The following ZNF311 variants were observed in gnomAD, a reference collection of about 807,000 sequenced individuals.
The protein encoded by ZNF311 is zinc finger protein zfp31.
In ZNF311, 14 loss-of-function variants were observed where a neutral mutation model predicts 22.7. That is an observed-to-expected ratio of 0.62 (90% confidence interval 0.41 to 0.96). The LOEUF (loss-of-function observed/expected upper bound fraction) is 0.96. Ranked by LOEUF, ZNF311 falls within the 40% of genes least tolerant of loss-of-function variation. ZNF311 has a pLI of 0.00. For missense variants in ZNF311, 731 were observed against 799.0 expected (o/e 0.91, Z 1.03); for synonymous variants, 250 against 275.3 (o/e 0.91, Z 0.91).
rs754948144 is a variant in ZNF311 at position 28,995,709 on chromosome 6, G to C, written c.1293C>G (p.Ser431Arg). The change falls in exon 7 of 7, where the codon AGC becomes AGG. Residue 431 changes from serine to arginine, a missense_variant. By Grantham distance (110) the Ser-to-Arg change is moderately radical. Transcript: ENST00000377179. This position sits in a 1 kb window ranked among gnomAD's most constrained non-coding sequence, Gnocchi z 4.7. ...GRAFSRSSDL[S>R]KHKRIHTREK... ...CCCGAGTATGGATTCGTTTGTGTTT[G>C]CTTAGGTCTGAGCTCCGACTGAAGG... 13 of 1,613,592 alleles carry C rather than the reference G, an allele frequency of 8.1e-6. No individual in the cohort carries two copies. The highest frequency in any genetic ancestry group is 1.1e-5 in the Non-Finnish European group (13 of 1,180,022).
At chr6:28,999,447 AAAG>A (rs1780119008) in intron 5 of ZNF311, 37 bp downstream of exon 5, 1 of 1,528,240 alleles carries the variant, frequency 6.5e-7, no homozygotes, top group South Asian at 1.3e-5. Context: ...AATAATAAAA[AAAG>A]AAGGTAGAAA....
chr6:28,999,694 A>G (rs1780171571), intron 4 of ZNF311, 81 bp from the exon 5 acceptor site: 2 of 1,529,516 alleles, frequency 1.3e-6, no homozygotes, highest in African/African-American at 1.4e-5. Context: ...GGAATTTGCA[A>G]GGAGGAGGTT....
In ZNF311 at chr6:28,995,578, T is replaced by C. The variant is rs1779387486; in HGVS notation, c.1424A>G (p.Glu475Gly). 2 of 1,613,624 alleles carry C rather than the reference T, an allele frequency of 1.2e-6. No individual in the cohort carries two copies. Among genetic ancestry groups the C allele is most frequent in the Admixed American group, 1.7e-5 (1 of 60,006 alleles). The change falls in exon 7 of 7, where the codon GAG becomes GGG. Residue 475 changes from glutamate (E) to glycine (G), a missense_variant. Transcript: ENST00000377179. This position sits in a 1 kb window ranked among gnomAD's most constrained non-coding sequence, Gnocchi z 4.7. Reference sequence around the variant, plus strand: ...GTTATGACGAAAGGCTTTCCCACACTCCTCACACCTGTAACGTTTCTCTTC... The same window carrying C: ...GTTATGACGAAAGGCTTTCCCACACCCCTCACACCTGTAACGTTTCTCTTC... ...HTEEKRYRCE[E>G]CGKAFRHNCK...
intron 1 of ZNF311, among the ~76,000 whole-genome samples, chr6:29,004,593 AT>A (rs1001843809): frequency 6.6e-6 from 1 of 151,998 alleles, no homozygotes; most frequent in African/African-American, 2.4e-5. Flanking sequence ...GAGTTGGATC[AT>A]TTCATCGCTC....
At position 28,994,937 on chromosome 6, in the gene ZNF311, T is replaced by A; in HGVS notation, c.*64A>T. Reference sequence around the variant, plus strand: ...GTCAGGAAATCAGGAATAACTAATATAAGAGACAGAAGGACCAGCCTAAGA... The same window carrying A: ...GTCAGGAAATCAGGAATAACTAATAAAAGAGACAGAAGGACCAGCCTAAGA... On this transcript the variant is annotated 3_prime_UTR_variant, in exon 7 of 7. Coordinates refer to ENST00000377179, the MANE Select transcript of ZNF311 (RefSeq NM_001382360.1). The A allele has an allele frequency of 6.8e-7, 1 of 1,464,802 alleles. No individual in the cohort carries two copies. Among genetic ancestry groups the A allele is most frequent in the Non-Finnish European group, 9.0e-7 (1 of 1,108,190 alleles). 90.7% of individuals were successfully genotyped at this position (1,464,802 alleles called of 1,614,324 possible). A position where few individuals can be genotyped will look rare whatever the true frequency, so the allele number is the denominator to read the frequency against.
rs1486857570 is a variant in ZNF311 at position 29,003,927 on chromosome 6, C to T, written c.9+19G>A. ...CCTTCTTCCTCCTTGTGATGTATCA[C>T]AGACCCTCCTCTTCTTACCTCCTGC... On this transcript the variant is annotated intron_variant, in intron 2 of 6. Coordinates refer to ENST00000377179, the MANE Select transcript of ZNF311 (RefSeq NM_001382360.1). 1.9e-6 allele frequency: 3 copies of T among 1,612,864 alleles called. No individual in the cohort carries two copies. Among genetic ancestry groups the T allele is most frequent in the Admixed American group, 3.3e-5 (2 of 60,012 alleles).
chr6:28,996,853 A>G (rs1473580514), intron 6 of ZNF311, among the ~76,000 whole-genome samples: 2 of 152,344 alleles, frequency 1.3e-5, no homozygotes, highest in African/African-American at 4.8e-5. Flanking sequence ...TAGTCATCTA[A>G]GCCACAAAAC....
At position 28,995,540 on chromosome 6, in the gene ZNF311, C is replaced by T; in HGVS notation, c.1462G>A (p.Ala488Thr). 1 of 1,613,662 alleles carries T rather than the reference C, an allele frequency of 6.2e-7. No homozygotes were observed. Among genetic ancestry groups the T allele is most frequent in the Non-Finnish European group, 8.5e-7 (1 of 1,179,996 alleles). The change falls in exon 7 of 7, where the codon GCT (alanine) becomes ACT (threonine). Residue 488 changes from alanine (A) to threonine (T), a missense_variant. Ala to Thr is a moderately conservative substitution (Grantham distance 58). Coordinates refer to ENST00000377179, the MANE Select transcript of ZNF311 (RefSeq NM_001382360.1). The surrounding 1 kb of genome is among the most constrained non-coding windows in gnomAD (Gnocchi z 4.7). ...TCCCCTGTATGCTCTCGTTCATGAG[C>T]CCTGCGCTTACAGTTATGACGAAAG... is the stretch of plus-strand genomic sequence containing the variant. ...KAFRHNCKRR[A>T]HEREHTGEKP...
chr6:28,998,328 A>G (rs1170916883), intron 6 of ZNF311, among the ~76,000 whole-genome samples: 2 of 151,016 alleles, frequency 1.3e-5, no homozygotes, highest in Non-Finnish European at 3.0e-5. Context: ...ATGCACCACC[A>G]CACCCAGCAT....
In ZNF311 at chr6:29,004,442, C is replaced by CTTTTTTTTT. The variant is rs9280531; in HGVS notation, c.-260-237_-260-229dup. ...TCTTCAATCCTTGCCTTCCTCCTTT[C>CTTTTTTTTT]TTTTTTTTTTTTTTTTTTTTTTTTT... is the stretch of plus-strand genomic sequence containing the variant. On this transcript the variant is annotated intron_variant, in intron 1 of 6. Transcript: ENST00000377179. Among the ~76,000 whole-genome samples, 42 of 30,610 alleles carry CTTTTTTTTT rather than the reference C, an allele frequency of 1.4e-3. 2 individuals are homozygous for CTTTTTTTTT. The highest frequency in any genetic ancestry group is 6.7e-3 in the African/African-American group (15 of 2,228). 20.1% of individuals were successfully genotyped at this position (30,610 alleles called of 152,430 possible). A position where few individuals can be genotyped will look rare whatever the true frequency, so the allele number is the denominator to read the frequency against.
In ZNF311 at chr6:29,004,052, T is replaced by G. The variant is rs1780828862; in HGVS notation, c.-98A>C. ...CAAACAAGCTGTGAAGTGGCTCCAGTTGATGCCAGCCTCCTTTGGAGAACA... is the reference window on the plus strand; with the variant it reads ...CAAACAAGCTGTGAAGTGGCTCCAGGTGATGCCAGCCTCCTTTGGAGAACA... On this transcript the variant is annotated 5_prime_UTR_variant, in exon 2 of 7. Transcript: ENST00000377179. 6.2e-7 allele frequency: 1 copy of G among 1,612,114 alleles called. No individual in the cohort carries two copies. The highest frequency in any genetic ancestry group is 8.5e-7 in the Non-Finnish European group (1 of 1,179,550).
At chr6:28,999,398 A>G in intron 5 of ZNF311, 89 bp downstream of exon 5, 1 of 1,238,410 alleles carries the variant, frequency 8.1e-7, no homozygotes. Context: ...GGACTCTTTC[A>G]ATATGAGACC....
rs752812603 is a variant in ZNF311 at position 28,995,726 on chromosome 6, G to A, written c.1276C>T (p.Arg426Trp). 1.5e-5 allele frequency: 24 copies of A among 1,613,566 alleles called. No homozygotes were observed. The highest frequency in any genetic ancestry group is 1.9e-5 in the Non-Finnish European group (22 of 1,180,008). Residue 426 changes from arginine to tryptophan, a missense_variant, in exon 7 of 7, where the codon CGG (arginine) becomes TGG (tryptophan). Transcript: ENST00000377179. The surrounding 1 kb of genome is among the most constrained non-coding windows in gnomAD (Gnocchi z 4.7). Reference sequence around the variant, plus strand: ...TTGTGTTTGCTTAGGTCTGAGCTCCGACTGAAGGCCCTTCCACACTTGCTG... The same window carrying A: ...TTGTGTTTGCTTAGGTCTGAGCTCCAACTGAAGGCCCTTCCACACTTGCTG... ...ECSKCGRAFS[R>W]SSDLSKHKRI...
intron 2 of ZNF311, 154 bp from the exon 3 acceptor site, chr6:29,003,748 A>G: frequency 7.1e-7 from 1 of 1,406,840 alleles, no homozygotes; most frequent in Non-Finnish European, 9.8e-7. Context: ...CTAATACCTT[A>G]TGAAAACTAG....
In ZNF311 at chr6:28,995,569, T is replaced by G; in HGVS notation, c.1433A>C (p.Lys478Thr). The G allele has an allele frequency of 6.2e-7, 1 of 1,613,842 alleles. No homozygotes were observed. Among genetic ancestry groups the G allele is most frequent in the Middle Eastern group, 1.6e-4 (1 of 6,062 alleles). Residue 478 changes from lysine (K) to threonine (T), a missense_variant, in exon 7 of 7, where the codon AAA (lysine) becomes ACA (threonine). Physicochemically the swap from Lys to Thr is moderately conservative, Grantham distance 78. Transcript: ENST00000377179. The surrounding 1 kb of genome is among the most constrained non-coding windows in gnomAD (Gnocchi z 4.7). ...GCGCTTACAGTTATGACGAAAGGCT[T>G]TCCCACACTCCTCACACCTGTAACG... ...EKRYRCEECG[K>T]AFRHNCKRRA...
intron 3 of ZNF311, among the ~76,000 whole-genome samples, chr6:29,002,324 G>A (rs1362264654): frequency 1.3e-5 from 2 of 152,096 alleles, no homozygotes; most frequent in African/African-American, 2.4e-5. Flanking sequence ...TCGTGCATCC[G>A]AGTTTAGCAA....
rs1171414681 is a variant in ZNF311 at position 29,004,037 on chromosome 6, G to A, written c.-83C>T. On this transcript the variant is annotated 5_prime_UTR_variant, in exon 2 of 7. An upstream open reading frame in the 5' UTR gains an earlier in-frame stop. Coordinates refer to ENST00000377179, the MANE Select transcript of ZNF311 (RefSeq NM_001382360.1). ...GTCAGATCCAGTTCTCAAACAAGCT[G>A]TGAAGTGGCTCCAGTTGATGCCAGC... 6.2e-7 allele frequency: 1 copy of A among 1,612,622 alleles called. No individual in the cohort carries two copies. Among genetic ancestry groups the A allele is most frequent in the African/African-American group, 1.3e-5 (1 of 74,918 alleles).
Position 29,003,568 on chromosome 6 carries a change from T to A in ZNF311, c.36A>T (p.Gly12=). The A allele has an allele frequency of 6.2e-7, 1 of 1,612,948 alleles. No homozygotes were observed. Among genetic ancestry groups the A allele is most frequent in the Non-Finnish European group, 8.5e-7 (1 of 1,180,004 alleles). ...QEVVLLDESS[G]PPSQLLWTRQ... ...GGGTCCAAAGCAGCTGGCTTGGTGG[T>A]CCTGAACTCTCATCCAACAGCACAA... Residue 12 remains glycine, a synonymous_variant, in exon 3 of 7, where the codon GGA becomes GGT. Coordinates refer to ENST00000377179, the MANE Select transcript of ZNF311 (RefSeq NM_001382360.1).
intron 3 of ZNF311, among the ~76,000 whole-genome samples, chr6:29,003,252 G>T (rs1471394589): frequency 2.0e-5 from 3 of 152,036 alleles, no homozygotes; most frequent in African/African-American, 7.2e-5. Flanking sequence ...ATGCCTGACT[G>T]CATTGATTCT....
Sources: allele counts gnomAD v4.1 joint callset (sites outside exome capture counted in the v4.1 genomes callset), GRCh38; gene constraint gnomAD v4.1.1; non-coding constraint Gnocchi (gnomAD v3.1); transcripts MANE v1.5; gene names NCBI Gene and HGNC (gene_info 2026-07-23, HGNC 2026-07-21).